DPP10: variants seen among roughly 807,000 people sequenced by gnomAD.
DPP10 encodes inactive dipeptidyl peptidase 10.
In DPP10, 33 loss-of-function variants were observed where a neutral mutation model predicts 120.9. The observed-to-expected ratio is 0.27, with a 90% CI of 0.21 to 0.37. The LOEUF (loss-of-function observed/expected upper bound fraction) is 0.37. DPP10 is among the 10% of genes least tolerant of loss of function. The pLI is 1.00. For missense variants in DPP10, 816 were observed against 942.8 expected (o/e 0.87, Z 1.76); for synonymous variants, 337 against 326.1 (o/e 1.03, Z -0.36).
chr2:114,592,319 A>G (rs1691529653), intron 1 of DPP10, among the ~76,000 whole-genome samples: 1 of 152,144 alleles, frequency 6.6e-6, no homozygotes, highest in African/African-American at 2.4e-5. Context: ...GTTTGATGGT[A>G]AACTTTTCCC....
chr2:114,735,405 A>G (rs1017376468), intron 1 of DPP10, among the ~76,000 whole-genome samples: 1 of 152,184 alleles, frequency 6.6e-6, no homozygotes, highest in African/African-American at 2.4e-5. Flanking sequence ...TTTCCCTAAA[A>G]AAAGCAAGAG....
At chr2:114,907,241 C>T (rs1215223012) in intron 1 of DPP10, among the ~76,000 whole-genome samples, 2 of 150,936 alleles carry the variant, frequency 1.3e-5, no homozygotes, top group Non-Finnish European at 3.0e-5. Context: ...ATTTATTCAT[C>T]TTTTCAGAGA....
chr2:115,646,142 C>A (rs1329023758), intron 5 of DPP10, among the ~76,000 whole-genome samples: 3 of 152,020 alleles, frequency 2.0e-5, no homozygotes, highest in Non-Finnish European at 4.4e-5. Context: ...GCCCTCTTTG[C>A]CTCCTCCTAT....
intron 5 of DPP10, among the ~76,000 whole-genome samples, chr2:115,672,964 G>T (rs2090020891): frequency 6.6e-6 from 1 of 151,994 alleles, no homozygotes; most frequent in South Asian, 2.1e-4. Context: ...GGCCAGGCTG[G>T]TCTCAAACTC....
chr2:115,291,267 G>A (rs968818343), intron 1 of DPP10, among the ~76,000 whole-genome samples: 4 of 152,040 alleles, frequency 2.6e-5, no homozygotes, highest in Non-Finnish European at 5.9e-5. Flanking sequence ...ACCTCCCAAA[G>A]TGCTCAGATT....
At chr2:114,590,268 G>T (rs919347728) in intron 1 of DPP10, among the ~76,000 whole-genome samples, 1 of 152,060 alleles carries the variant, frequency 6.6e-6, no homozygotes, top group African/African-American at 2.4e-5. Flanking sequence ...GGTTGCAATT[G>T]AGGAATGAGT....
At chr2:114,677,628 G>A (rs1261444212) in intron 1 of DPP10, among the ~76,000 whole-genome samples, 2 of 152,036 alleles carry the variant, frequency 1.3e-5, no homozygotes, top group South Asian at 2.1e-4. Context: ...AGAAAGACTT[G>A]CCTGCAGTTA....
intron 13 of DPP10, among the ~76,000 whole-genome samples, 184 bp downstream of exon 13, chr2:115,768,588 A>C (rs991121551): frequency 1.3e-5 from 2 of 152,020 alleles, no homozygotes; most frequent in Non-Finnish European, 2.9e-5. Context: ...CTTCCCACAA[A>C]ACAGTCTCAA....
chr2:114,562,606 A>C (rs958814786), intron 1 of DPP10, among the ~76,000 whole-genome samples: 47 of 152,212 alleles, frequency 3.1e-4, no homozygotes, highest in African/African-American at 1.1e-3. Context: ...TGTAAAGTAC[A>C]CTGAATTCCA....
chr2:114,458,428 A>T (rs1453957633), intron 1 of DPP10, among the ~76,000 whole-genome samples: 1 of 152,056 alleles, frequency 6.6e-6, no homozygotes, highest in East Asian at 1.9e-4. Flanking sequence ...ATTTTTTTTT[A>T]AATAAAGAGG....
chr2:115,406,463 T>A lies in DPP10; in HGVS notation c.271+62551T>A, dbSNP rs545924946. On this transcript the variant is annotated intron_variant, in intron 3 of 25. Transcript: ENST00000410059. ...ATAATAGAATATTATTCTACTTAAA[T>A]GATAGGTAAGGGAGGTGATGGATAT... Among the ~76,000 whole-genome samples the A allele has an allele frequency of 2.0e-5, 3 of 152,262 alleles. No individual in the cohort carries two copies. In the South Asian group the frequency reaches 6.2e-4, roughly 32 times the overall value.
At chr2:114,709,856 T>C (rs1700912104) in intron 1 of DPP10, among the ~76,000 whole-genome samples, 1 of 152,192 alleles carries the variant, frequency 6.6e-6, no homozygotes. Context: ...TTTATTATCT[T>C]TTAAAGGTTT....
chr2:115,699,794 C>A (rs920985188), intron 7 of DPP10, among the ~76,000 whole-genome samples: 2 of 152,064 alleles, frequency 1.3e-5, no homozygotes, highest in Admixed American at 6.6e-5. Flanking sequence ...AATACTAATA[C>A]AACAAATTCA....
chr2:114,561,908 G>A (rs939177135), intron 1 of DPP10, among the ~76,000 whole-genome samples: 8 of 152,110 alleles, frequency 5.3e-5, no homozygotes, highest in African/African-American at 1.2e-4. Flanking sequence ...TTCATCATAC[G>A]TGCTTCACAG....
Position 114,918,898 on chromosome 2 carries a change from C to T in DPP10, c.61-390341C>T, listed in dbSNP as rs13425633. 8.8e-3 allele frequency among the ~76,000 whole-genome samples: 1,341 copies of T among 151,822 alleles called. 18 individuals are homozygous for T. Among genetic ancestry groups the T allele is most frequent in the African/African-American group, 0.031 (1,289 of 41,396 alleles). ...ATTTGTACACCAAACCTTACTGACA[C>T]ACAACTTACCTATGTAGCAAACGTG... On this transcript the variant is annotated intron_variant, in intron 1 of 25. Coordinates refer to ENST00000410059, the MANE Select transcript of DPP10 (RefSeq NM_020868.6).
At chr2:115,682,779 A>G (rs764064651) in intron 5 of DPP10, among the ~76,000 whole-genome samples, 3 of 151,910 alleles carry the variant, frequency 2.0e-5, no homozygotes, top group Non-Finnish European at 2.9e-5. Context: ...TATATCAAAT[A>G]AAAACGTGTA....
chr2:115,318,816 T>G (rs2061922441), intron 2 of DPP10, among the ~76,000 whole-genome samples: 1 of 152,148 alleles, frequency 6.6e-6, no homozygotes, highest in Non-Finnish European at 1.5e-5. Context: ...TTATTGTAGA[T>G]TATCTGAGAT....
chr2:115,159,131 C>T (rs765756666), intron 1 of DPP10, among the ~76,000 whole-genome samples: 5 of 152,008 alleles, frequency 3.3e-5, no homozygotes, highest in African/African-American at 4.8e-5. Flanking sequence ...TCTTAATGGG[C>T]ACCTGGTCTA....
chr2:114,820,589 G>C (rs906179181), intron 1 of DPP10, among the ~76,000 whole-genome samples: 1 of 152,142 alleles, frequency 6.6e-6, no homozygotes, highest in Non-Finnish European at 1.5e-5. Context: ...GGAGGCCTCA[G>C]GAAATTAAAA....
Sources: gnomAD v4.1 joint callset for allele counts (sites outside exome capture counted in the v4.1 genomes callset) on GRCh38, gnomAD v4.1.1 for gene constraint, MANE v1.5 for transcripts, NCBI Gene and HGNC (gene_info 2026-07-23, HGNC 2026-07-21) for gene names.